Variants in SUSD1 observed in about 807,000 individuals in gnomAD.
SUSD1 encodes sushi domain containing 1, also known as sushi domain-containing protein 1.
A neutral mutation model predicts 86.9 loss-of-function variants in SUSD1; 65 were observed. That is an observed-to-expected ratio of 0.75 (90% CI 0.61 to 0.92). The LOEUF is 0.92. Ranked by LOEUF, SUSD1 falls within the 40% of genes least tolerant of loss-of-function variation. The pLI is 0.00. For synonymous variants in SUSD1, 346 were observed against 350.0 expected, an observed-to-expected ratio of 0.99 and a Z score of 0.13; for missense variants, 850 against 929.7, an observed-to-expected ratio of 0.91 and a Z score of 1.11.
chr9:112,152,004 A>T (rs989951389), intron 2 of SUSD1, among the ~76,000 whole-genome samples: 1 of 151,948 alleles, frequency 6.6e-6, no homozygotes, highest in South Asian at 2.1e-4. Context: ...ATTGCACTCC[A>T]GCCTGGGCAA....
intron 5 of SUSD1, among the ~76,000 whole-genome samples, chr9:112,125,389 TGAAGGGAA>T (rs1336827120): frequency 6.6e-6 from 1 of 152,152 alleles, no homozygotes; most frequent in East Asian, 1.9e-4. Flanking sequence ...AGCAGTGAGT[TGAAGGGAA>T]GAAGTAAAGC....
At chr9:112,173,957 C>G (rs1488306162) in intron 1 of SUSD1, 1 of 252,372 alleles carries the variant, frequency 4.0e-6, no homozygotes, top group Non-Finnish European at 7.8e-6. Flanking sequence ...TGGTGTGGTG[C>G]TTGGATTTGG....
At position 112,078,810 on chromosome 9, in the gene SUSD1, TC is replaced by T. The variant is rs1443035208; in HGVS notation, c.1567-87del. The T allele has an allele frequency of 3.7e-4, 325 of 874,474 alleles. 1 individual carries two copies. In the African/African-American group the frequency reaches 5.8e-3, roughly 16 times the overall value. 54.2% of individuals were successfully genotyped at this position (874,474 alleles called of 1,614,324 possible). A position where few individuals can be genotyped will look rare whatever the true frequency, so the allele number is the denominator to read the frequency against. The stretch of plus-strand genomic sequence containing the variant: ...AACCTCCCCTTTTCCTTTTTCTTTC[TC>T]TTTTTTTTTTTTTTTTTTTGAGATG... On this transcript the variant is annotated intron_variant, in intron 11 of 16. Transcript: ENST00000374270.
chr9:112,099,121 T>C (rs190247805), intron 9 of SUSD1, among the ~76,000 whole-genome samples: 33 of 151,900 alleles, frequency 2.2e-4, no homozygotes, highest in Admixed American at 6.6e-4. Flanking sequence ...ACAATCTTAG[T>C]TCACAGCAAT....
At chr9:112,126,832 G>T (rs1831796177) in intron 5 of SUSD1, among the ~76,000 whole-genome samples, 3 of 152,006 alleles carry the variant, frequency 2.0e-5, no homozygotes, top group African/African-American at 4.8e-5. Flanking sequence ...CACACCCTCA[G>T]CTGACAATCT....
intron 1 of SUSD1, among the ~76,000 whole-genome samples, chr9:112,174,239 T>G (rs919300521): frequency 6.6e-6 from 1 of 152,170 alleles, no homozygotes; most frequent in Non-Finnish European, 1.5e-5. Context: ...CTGGGATACC[T>G]TTTTCACATT....
In SUSD1 at chr9:112,058,785, C is replaced by G. The variant is rs41316530; in HGVS notation, c.1851-99G>C. The G allele has an allele frequency of 6.7e-3, 9,938 of 1,479,524 alleles. 44 individuals carry two copies. Among genetic ancestry groups the G allele is most frequent in the Non-Finnish European group, 8.1e-3 (8,926 of 1,103,888 alleles). The allele number at this position is 1,479,524 out of a possible 1,614,324, so 91.6% of individuals were successfully genotyped here. ...CACCTGCTATGAGACAAACCTCTTT[C>G]TTTGTTTTTTTGTTTTTTGTTTTTT... On this transcript the variant is annotated intron_variant, in intron 13 of 16. Coordinates refer to ENST00000374270, the MANE Select transcript of SUSD1 (RefSeq NM_022486.5).
rs749862412 is a variant in SUSD1, at chr9:112,143,536, T to C, written c.461A>G (p.Asp154Gly). The C allele has an allele frequency of 1.1e-5, 17 of 1,614,088 alleles. No individual in the cohort carries two copies. The highest frequency in any genetic ancestry group is 9.9e-5 in the South Asian group (9 of 91,068). The change falls in exon 4 of 17, where the codon GAT becomes GGT. Residue 154 changes from aspartate (D) to glycine (G), a missense_variant. Coordinates refer to ENST00000374270, the MANE Select transcript of SUSD1 (RefSeq NM_022486.5). ...THGSFECYCM[D>G]GYLPRNGPEP... The stretch of plus-strand genomic sequence containing the variant: ...AGGTCCATTCCTTGGCAAGTATCCA[T>C]CCATACAGTAGCATTCAAAGCTCCC...
chr9:112,120,672 A>G (rs1831515352), intron 6 of SUSD1, among the ~76,000 whole-genome samples: 1 of 152,232 alleles, frequency 6.6e-6, no homozygotes. Context: ...GGAGCCACAG[A>G]CTTTGTGAAA....
chr9:112,131,310 T>G (rs1832025192), intron 5 of SUSD1, among the ~76,000 whole-genome samples: 1 of 152,190 alleles, frequency 6.6e-6, no homozygotes, highest in African/African-American at 2.4e-5. Context: ...GAATAAGCAT[T>G]CAAGTCAGTC....
chr9:112,135,375 CAATA>C (rs1343395571), intron 5 of SUSD1, among the ~76,000 whole-genome samples: 2 of 152,066 alleles, frequency 1.3e-5, no homozygotes, highest in African/African-American at 4.8e-5. Context: ...CACTTATCAT[CAATA>C]AATAGTGTCT....
chr9:112,041,559 T>G, intron 16 of SUSD1, 67 bp from the exon 17 acceptor site: 1 of 779,714 alleles, frequency 1.3e-6, no homozygotes, highest in Non-Finnish European at 2.4e-6. Context: ...ACTGTGCATC[T>G]CTATGCACAG....
At chr9:112,163,737 G>A (rs552222245) in intron 1 of SUSD1, among the ~76,000 whole-genome samples, 9 of 152,222 alleles carry the variant, frequency 5.9e-5, no homozygotes, top group African/African-American at 1.4e-4. Flanking sequence ...GGTGGCTCAC[G>A]CCTGTAATCC....
intron 12 of SUSD1, among the ~76,000 whole-genome samples, chr9:112,064,499 C>G (rs1332570122): frequency 6.6e-6 from 1 of 152,210 alleles, no homozygotes; most frequent in African/African-American, 2.4e-5. Context: ...ACCAACAAGG[C>G]TGGGGACCAC....
chr9:112,111,637 A>C lies in SUSD1; in HGVS notation c.1171+17T>G. On this transcript the variant is annotated intron_variant, in intron 8 of 16. Transcript: ENST00000374270. ...TTAGCATTTTCTAGGAGGAAATGAG[A>C]CTTCACCTCCACCTACCAGCTGTCT... 1 of 1,609,686 alleles carries C rather than the reference A, an allele frequency of 6.2e-7. No homozygotes were observed. Among genetic ancestry groups the C allele is most frequent in the South Asian group, 1.1e-5 (1 of 90,512 alleles).
At chr9:112,112,715 T>C in intron 7 of SUSD1, 56 bp downstream of exon 7, 2 of 1,199,962 alleles carry the variant, frequency 1.7e-6, no homozygotes, top group Non-Finnish European at 1.2e-6. Context: ...CTCTGACTCA[T>C]ATTCCCATGG....
chr9:112,111,857 C>G lies in SUSD1; in HGVS notation c.985-17G>C. The G allele has an allele frequency of 6.2e-7, 1 of 1,611,748 alleles. No homozygotes were observed. The highest frequency in any genetic ancestry group is 8.5e-7 in the Non-Finnish European group (1 of 1,178,884). ...TATGGATATCTTTGAGAGGAAAAGA[C>G]AAGAGAACCCACTCTGACTCCAGTC... On this transcript the variant is annotated splice_polypyrimidine_tract_variant and intron_variant, in intron 7 of 16. Transcript: ENST00000374270.
In SUSD1 at chr9:112,143,624, C is replaced by G. The variant is rs1403742190; in HGVS notation, c.374-1G>C. The G allele has an allele frequency of 6.2e-7, 1 of 1,605,280 alleles. No homozygotes were observed. The highest frequency in any genetic ancestry group is 8.5e-7 in the Non-Finnish European group (1 of 1,177,186). ...CCAGAAACTTCACACTCATCTATGTCTTGGGACCCAATCCAAATAGAGAAA... is the reference window on the plus strand; with the variant it reads ...CCAGAAACTTCACACTCATCTATGTGTTGGGACCCAATCCAAATAGAGAAA... On this transcript the variant is annotated splice_acceptor_variant, in intron 3 of 16. Coordinates refer to ENST00000374270, the MANE Select transcript of SUSD1 (RefSeq NM_022486.5). LOFTEE classifies it high-confidence loss of function.
chr9:112,137,632 C>A (rs888813313), intron 5 of SUSD1, among the ~76,000 whole-genome samples: 1 of 152,104 alleles, frequency 6.6e-6, no homozygotes, highest in African/African-American at 2.4e-5. Flanking sequence ...GATCAAAATG[C>A]GTGTAGAGCC....
Sources: gnomAD v4.1 joint callset for allele counts (sites outside exome capture counted in the v4.1 genomes callset) on GRCh38, gnomAD v4.1.1 for gene constraint, MANE v1.5 for transcripts, NCBI Gene and HGNC (gene_info 2026-07-23, HGNC 2026-07-21) for gene names.